SPTBN1: variants seen among roughly 807,000 people sequenced by gnomAD.
The protein encoded by SPTBN1 is spectrin beta, non-erythrocytic 1.
Under a neutral mutation model 266.4 loss-of-function variants are expected in SPTBN1, and 32 were observed. That is an observed-to-expected ratio of 0.12 (90% CI 0.09 to 0.16). SPTBN1 has a LOEUF of 0.16. SPTBN1 is among the 10% of genes least tolerant of loss of function. The pLI is 1.00. For synonymous variants in SPTBN1, 1,336 were observed against 1,162.2 expected (o/e 1.15, Z -3.04); for missense variants, 2,296 against 3,067.1 (o/e 0.75, Z 5.94).
At chr2:54,657,284 C>G (rs1424559554) in intron 29 of SPTBN1, among the ~76,000 whole-genome samples, 1 of 152,204 alleles carries the variant, frequency 6.6e-6, no homozygotes, top group Non-Finnish European at 1.5e-5. Context: ...CACACAACTA[C>G]CGCCCAAAAG....
Position 54,632,571 on chromosome 2 carries a change from T to C in SPTBN1, c.3570T>C (p.Tyr1190=). ...TGTTCCTCTTTTTAAATAAGGAGTA[T>C]GTTCTGGCTCACACTGAAATGCCTA... ...QAEAFLNNQE[Y]VLAHTEMPTT... is the part of the protein sequence containing the mutation. Residue 1190 remains tyrosine, a synonymous_variant, in exon 17 of 36, where the codon TAT becomes TAC. Coordinates refer to ENST00000356805, the MANE Select transcript of SPTBN1 (RefSeq NM_003128.3). 1 of 1,614,216 alleles carries C rather than the reference T, an allele frequency of 6.2e-7. No individual in the cohort carries two copies. Among genetic ancestry groups the C allele is most frequent in the South Asian group, 1.1e-5 (1 of 91,088 alleles).
intron 2 of SPTBN1, among the ~76,000 whole-genome samples, chr2:54,536,156 A>C (rs752351881): frequency 1.3e-5 from 2 of 152,240 alleles, no homozygotes; most frequent in African/African-American, 4.8e-5. Flanking sequence ...TCACTTACAC[A>C]GTTAACCCCT....
chr2:54,614,382 G>A (rs536150580), intron 4 of SPTBN1, among the ~76,000 whole-genome samples: 5 of 152,248 alleles, frequency 3.3e-5, no homozygotes, highest in African/African-American at 1.2e-4. Flanking sequence ...TTCCCAGTGT[G>A]TGTGTATGTG....
At chr2:54,660,215 G>A (rs1320210935) in intron 32 of SPTBN1, 1 of 1,425,212 alleles carries the variant, frequency 7.0e-7, no homozygotes, top group Non-Finnish European at 9.2e-7. Flanking sequence ...ATATTTGTTT[G>A]CATTTAATTC....
intron 2 of SPTBN1, among the ~76,000 whole-genome samples, chr2:54,547,784 G>T (rs888173452): frequency 6.6e-6 from 1 of 152,196 alleles, no homozygotes; most frequent in Non-Finnish European, 1.5e-5. Context: ...TTATAGGTGA[G>T]CTTGGCAGGT....
At chr2:54,618,257 A>T (rs193223493) in intron 7 of SPTBN1, 64 bp downstream of exon 7, 7 of 1,377,250 alleles carry the variant, frequency 5.1e-6, no homozygotes, top group Non-Finnish European at 5.1e-6. Flanking sequence ...GTTAATGTAA[A>T]ATCTGTTTTG....
intron 2 of SPTBN1, 177 bp downstream of exon 2, chr2:54,526,743 A>G: frequency 1.4e-6 from 1 of 720,406 alleles, no homozygotes; most frequent in Non-Finnish European, 2.0e-6. Flanking sequence ...ATATTTGGAG[A>G]GCTGTCAACT....
chr2:54,486,510 T>C (rs915304918), intron 1 of SPTBN1, among the ~76,000 whole-genome samples: 3 of 152,140 alleles, frequency 2.0e-5, no homozygotes, highest in Non-Finnish European at 2.9e-5. Flanking sequence ...GTTAAACAGA[T>C]GCTTGAAGGC....
intron 1 of SPTBN1, among the ~76,000 whole-genome samples, chr2:54,477,491 T>G (rs1173511725): frequency 1.3e-5 from 2 of 152,190 alleles, no homozygotes; most frequent in African/African-American, 4.8e-5. Flanking sequence ...TCTGTTTTGT[T>G]TGCTTTTTTC....
chr2:54,460,744 A>G (rs1160119236), intron 1 of SPTBN1, among the ~76,000 whole-genome samples: 1 of 152,234 alleles, frequency 6.6e-6, no homozygotes, highest in Non-Finnish European at 1.5e-5. Flanking sequence ...TCACGCCTGT[A>G]ATCCCAGCAC....
chr2:54,486,315 G>A lies in SPTBN1; in HGVS notation c.-48+29797G>A, dbSNP rs1437946639. Among the ~76,000 whole-genome samples the A allele has an allele frequency of 7.2e-5, 11 of 152,218 alleles. No individual in the cohort carries two copies. In the East Asian group the frequency reaches 2.1e-3, roughly 29 times the overall value. ...TGGGGAAAAGACTGAGAAATCGGAT[G>A]GTTGCCGTGTCTGTGTAGAAAGAAG... On this transcript the variant is annotated intron_variant, in intron 1 of 35. Transcript: ENST00000356805.
At chr2:54,472,128 C>T (rs976443306) in intron 1 of SPTBN1, among the ~76,000 whole-genome samples, 1 of 141,044 alleles carries the variant, frequency 7.1e-6, no homozygotes, top group Non-Finnish European at 1.5e-5. Flanking sequence ...CCTGGGTTCA[C>T]ACCATTCTCC....
At chr2:54,528,761 A>C (rs969129833) in intron 2 of SPTBN1, 5 of 152,326 alleles carry the variant, frequency 3.3e-5, no homozygotes, top group African/African-American at 1.2e-4. Context: ...AGGTAATTCA[A>C]ACATGTTAAA....
chr2:54,471,713 A>G (rs1227937948), intron 1 of SPTBN1, among the ~76,000 whole-genome samples: 1 of 151,538 alleles, frequency 6.6e-6, no homozygotes, highest in Non-Finnish European at 1.5e-5. Flanking sequence ...GCTGCAGGTT[A>G]ACAAATATCT....
At position 54,669,561 on chromosome 2, in the gene SPTBN1, G is replaced by A. The variant is rs1288259845; in HGVS notation, c.*992G>A. On this transcript the variant is annotated 3_prime_UTR_variant, in exon 36 of 36. Transcript: ENST00000356805. ...TGATAGGAATGAACTCCAGAGGCTG[G>A]GCCTGAACAGGGAGGTGGTCGCTCA... 1 of 152,614 alleles carries A rather than the reference G, an allele frequency of 6.6e-6. No homozygotes were observed. Among genetic ancestry groups the A allele is most frequent in the Non-Finnish European group, 1.5e-5 (1 of 68,044 alleles). 9.5% of individuals were successfully genotyped at this position (152,614 alleles called of 1,614,324 possible).
chr2:54,592,040 G>A (rs1213913835), intron 2 of SPTBN1, among the ~76,000 whole-genome samples: 1 of 152,156 alleles, frequency 6.6e-6, no homozygotes, highest in African/African-American at 2.4e-5. Flanking sequence ...GATGGTGCAT[G>A]CCTGTAATCC....
At chr2:54,584,277 T>C (rs1347677362) in intron 2 of SPTBN1, among the ~76,000 whole-genome samples, 1 of 152,230 alleles carries the variant, frequency 6.6e-6, no homozygotes, top group African/African-American at 2.4e-5. Flanking sequence ...ATTCAACCTA[T>C]TAATGTATAT....
chr2:54,570,245 T>C lies in SPTBN1; in HGVS notation c.149-28847T>C, dbSNP rs557481417. 5.3e-5 allele frequency among the ~76,000 whole-genome samples: 8 copies of C among 152,208 alleles called. No individual in the cohort carries two copies. The East Asian group carries it at 1.4e-3, about 26-fold the overall frequency. On this transcript the variant is annotated intron_variant, in intron 2 of 35. Coordinates refer to ENST00000356805, the MANE Select transcript of SPTBN1 (RefSeq NM_003128.3). ...AAAGGCCCTTCTTAGCCTTTCTCTC[T>C]CCCCCAACCCCATTTTCAAGAGGCA...
At chr2:54,656,959 T>A (rs2104181200) in intron 29 of SPTBN1, among the ~76,000 whole-genome samples, 1 of 152,330 alleles carries the variant, frequency 6.6e-6, no homozygotes. Context: ...AGGTGGCATC[T>A]TCTTCATGTA....
Sources: gnomAD v4.1 joint callset for allele counts (sites outside exome capture counted in the v4.1 genomes callset) on GRCh38, gnomAD v4.1.1 for gene constraint, MANE v1.5 for transcripts, NCBI Gene and HGNC (gene_info 2026-07-23, HGNC 2026-07-21) for gene names.